COLEC12: variants seen among roughly 807,000 people sequenced by gnomAD.
COLEC12 encodes collectin-12.
COLEC12 carries 33 observed loss-of-function variants against 71.1 expected under a neutral mutation model. The ratio of observed to expected loss-of-function variants is 0.46; its 90% confidence interval spans 0.35 to 0.62. COLEC12 has a LOEUF of 0.62. COLEC12 is among the 20% of genes least tolerant of loss of function. The probability of loss-of-function intolerance (pLI) is 0.00; values close to 1 mark genes in which losing one functional copy is unlikely to be tolerated. For synonymous variants in COLEC12, 350 were observed against 353.0 expected (o/e 0.99, Z 0.10); for missense variants, 765 against 916.1 (o/e 0.84, Z 2.13).
At chr18:345,649 G>T (rs1253345505) in intron 5 of COLEC12, among the ~76,000 whole-genome samples, 1 of 152,210 alleles carries the variant, frequency 6.6e-6, no homozygotes, top group Non-Finnish European at 1.5e-5. Flanking sequence ...TGACCCAAAA[G>T]ACTTGATCTT....
intron 2 of COLEC12, among the ~76,000 whole-genome samples, chr18:413,597 G>A (rs753140252): frequency 9.2e-5 from 14 of 152,198 alleles, no homozygotes; most frequent in Non-Finnish European, 1.3e-4. Context: ...GCCAAGGCAG[G>A]AGAACTGTTT....
chr18:455,681 C>T (rs551882795), intron 2 of COLEC12, among the ~76,000 whole-genome samples: 32 of 151,344 alleles, frequency 2.1e-4, no homozygotes, highest in African/African-American at 7.3e-4. Context: ...GGGTGTGTGA[C>T]ATTCCCCTCC....
intron 2 of COLEC12, among the ~76,000 whole-genome samples, chr18:441,507 TA>T (rs903163527): frequency 6.6e-6 from 1 of 152,066 alleles, no homozygotes; most frequent in Non-Finnish European, 1.5e-5. Context: ...CTGTGCAGCG[TA>T]CAGACTCTAG....
intron 2 of COLEC12, among the ~76,000 whole-genome samples, chr18:371,217 A>G (rs1299025554): frequency 6.6e-6 from 1 of 152,226 alleles, no homozygotes; most frequent in Non-Finnish European, 1.5e-5. Flanking sequence ...ACTACAGTCA[A>G]AGGAAAAATC....
chr18:392,359 C>T (rs1232869286), intron 2 of COLEC12, among the ~76,000 whole-genome samples: 3 of 152,144 alleles, frequency 2.0e-5, no homozygotes, highest in South Asian at 2.1e-4. Context: ...GTTTTGTCAC[C>T]GAACATCCAT....
chr18:471,544 A>G (rs1273678244), intron 2 of COLEC12, among the ~76,000 whole-genome samples: 1 of 151,878 alleles, frequency 6.6e-6, no homozygotes, highest in Non-Finnish European at 1.5e-5. Context: ...CAAAGTTACA[A>G]TTAGGAAGTA....
At chr18:492,120 C>A (rs1325561893) in intron 1 of COLEC12, among the ~76,000 whole-genome samples, 3 of 152,126 alleles carry the variant, frequency 2.0e-5, no homozygotes, top group African/African-American at 7.2e-5. Context: ...TTTAAAGTAT[C>A]ACAGGAGATT....
intron 2 of COLEC12, among the ~76,000 whole-genome samples, chr18:369,172 C>G (rs1236043333): frequency 6.6e-6 from 1 of 152,170 alleles, no homozygotes; most frequent in African/African-American, 2.4e-5. Flanking sequence ...GCCAGCCTAC[C>G]ACTCAATGCA....
chr18:347,989 G>T (rs113577873), intron 4 of COLEC12, 76 bp downstream of exon 4: 2 of 958,726 alleles, frequency 2.1e-6, no homozygotes, highest in Non-Finnish European at 3.3e-6. Context: ...GGAGTTTATA[G>T]CAACATCATT....
intron 1 of COLEC12, among the ~76,000 whole-genome samples, chr18:489,957 A>C (rs1187059764): frequency 6.6e-6 from 1 of 152,226 alleles, no homozygotes; most frequent in East Asian, 1.9e-4. Flanking sequence ...GATCATCGTC[A>C]TAAAGGACCA....
At chr18:433,385 A>G (rs1916342462) in intron 2 of COLEC12, among the ~76,000 whole-genome samples, 2 of 152,130 alleles carry the variant, frequency 1.3e-5, no homozygotes, top group South Asian at 2.1e-4. Flanking sequence ...CTACCCCCAA[A>G]CCAAGGATGC....
In COLEC12 at chr18:331,849, A is replaced by G. The variant is rs916031318; in HGVS notation, c.1954-72T>C. ...TGTCTCAGGCCTTTTTCTTTTATTTAACATTTAGAAAAAAGGACAATTTAA... is the reference window on the plus strand; with the variant it reads ...TGTCTCAGGCCTTTTTCTTTTATTTGACATTTAGAAAAAAGGACAATTTAA... On this transcript the variant is annotated intron_variant, in intron 7 of 9. Coordinates refer to ENST00000400256, the MANE Select transcript of COLEC12 (RefSeq NM_130386.3). 7 of 896,784 alleles carry G rather than the reference A, an allele frequency of 7.8e-6. No homozygotes were observed. The Middle Eastern group carries it at 6.7e-4, about 85-fold the overall frequency. 55.6% of individuals were successfully genotyped at this position (896,784 alleles called of 1,614,324 possible). A position where few individuals can be genotyped will look rare whatever the true frequency, so the allele number is the denominator to read the frequency against.
chr18:364,234 C>T (rs1914808679), intron 2 of COLEC12, among the ~76,000 whole-genome samples: 2 of 152,114 alleles, frequency 1.3e-5, no homozygotes, highest in African/African-American at 2.4e-5. Context: ...ACCCTGCCTA[C>T]TAAAAAAGAA....
At chr18:337,425 TTC>T (rs1914143711) in intron 5 of COLEC12, among the ~76,000 whole-genome samples, 1 of 152,202 alleles carries the variant, frequency 6.6e-6, no homozygotes. Flanking sequence ...TCCGTCTGTG[TTC>T]TCTCTTAGCA....
chr18:332,931 C>A, intron 7 of COLEC12, 76 bp downstream of exon 7: 1 of 1,331,428 alleles, frequency 7.5e-7, no homozygotes, highest in South Asian at 1.5e-5. Context: ...TCTGAATCCC[C>A]AACAAGCCTG....
At chr18:400,877 T>G (rs1249432586) in intron 2 of COLEC12, among the ~76,000 whole-genome samples, 3 of 152,188 alleles carry the variant, frequency 2.0e-5, no homozygotes, top group Non-Finnish European at 1.5e-5. Flanking sequence ...AATTTGTGTG[T>G]GTGTGTGTGT....
In COLEC12 at chr18:332,580, T is replaced by C. The variant is rs147087464; in HGVS notation, c.1953+427A>G. ...TATAGAGGGTCTAATGAGTGGACAC[T>C]AGCATTAGCATGCGTGGGCTCTGCC... is the stretch of plus-strand genomic sequence containing the variant. On this transcript the variant is annotated intron_variant, in intron 7 of 9. Transcript: ENST00000400256. Among the ~76,000 whole-genome samples, 12 of 152,282 alleles carry C rather than the reference T, an allele frequency of 7.9e-5. No individual in the cohort carries two copies. The East Asian group carries it at 2.3e-3, about 29-fold the overall frequency.
intron 2 of COLEC12, among the ~76,000 whole-genome samples, chr18:462,374 G>A (rs367799909): frequency 1.4e-4 from 21 of 152,332 alleles, no homozygotes; most frequent in African/African-American, 4.6e-4. Flanking sequence ...ACTGCTACAT[G>A]CCACAACATG....
chr18:362,280 C>T lies in COLEC12; in HGVS notation c.59-4758G>A, dbSNP rs1221170467. On this transcript the variant is annotated intron_variant, in intron 2 of 9. Transcript: ENST00000400256. The surrounding 1 kb of genome is among the most constrained non-coding windows in gnomAD (Gnocchi z 4.6). ...TTTAATCAATATCAGATGGCACTGC[C>T]TGGCCTCCCTTTCCACTTGACACGC... Among the ~76,000 whole-genome samples the T allele has an allele frequency of 2.0e-5, 3 of 152,216 alleles. No homozygotes were observed. The highest frequency in any genetic ancestry group is 7.2e-5 in the African/African-American group (3 of 41,466).
Sources: allele counts gnomAD v4.1 joint callset (sites outside exome capture counted in the v4.1 genomes callset), GRCh38; gene constraint gnomAD v4.1.1; non-coding constraint Gnocchi (gnomAD v3.1); transcripts MANE v1.5; gene names NCBI Gene and HGNC (gene_info 2026-07-23, HGNC 2026-07-21).